CAPZA1: variants seen among roughly 807,000 people sequenced by gnomAD.
The protein encoded by CAPZA1 is F-actin-capping protein subunit alpha-1.
Under a neutral mutation model 40.8 loss-of-function variants are expected in CAPZA1, and 10 were observed. The ratio of observed to expected loss-of-function variants is 0.25; its 90% CI spans 0.15 to 0.42. The LOEUF (loss-of-function observed/expected upper bound fraction) is 0.42. CAPZA1 is among the 10% of genes least tolerant of loss of function. The pLI, the probability that CAPZA1 is intolerant of heterozygous loss-of-function variation, is 1.00. For missense variants in CAPZA1, 277 were observed against 353.8 expected, an observed-to-expected ratio of 0.78 and a Z score of 1.74; for synonymous variants, 98 against 115.0, an observed-to-expected ratio of 0.85 and a Z score of 0.95.
intron 1 of CAPZA1, among the ~76,000 whole-genome samples, chr1:112,637,463 G>A (rs765481979): frequency 2.0e-5 from 3 of 152,218 alleles, no homozygotes; most frequent in Non-Finnish European, 2.9e-5. Context: ...TTTGTTGTTT[G>A]TTGAGACAGG....
intron 2 of CAPZA1, among the ~76,000 whole-genome samples, chr1:112,647,633 C>T (rs116602397): frequency 0.011 from 1,725 of 152,288 alleles, 17 homozygotes; most frequent in Non-Finnish European, 0.018. Flanking sequence ...CTTAGGAAGT[C>T]ACATGATATG....
At chr1:112,641,257 A>T (rs12042407) in intron 1 of CAPZA1, among the ~76,000 whole-genome samples, 52,777 of 151,514 alleles carry the variant, frequency 0.35, 10,953 homozygotes, top group South Asian at 0.62. Flanking sequence ...GAAAAAAAAA[A>T]TTTTAATTTG....
In CAPZA1 at chr1:112,654,505, T is replaced by G. The variant is rs1671459700; in HGVS notation, c.260T>G (p.Phe87Cys). 1 of 1,613,824 alleles carries G rather than the reference T, an allele frequency of 6.2e-7. No homozygotes were observed. The highest frequency in any genetic ancestry group is 1.1e-5 in the South Asian group (1 of 91,084). ...CACGGTGACCTGGGTAATAGCAGAT[T>G]TTTAGATCCAAGAAACAAAATTTCC... ...TEHGDLGNSR[F>C]LDPRNKISFK... The change falls in exon 5 of 10, where the codon TTT (phenylalanine) becomes TGT (cysteine). Residue 87 changes from phenylalanine to cysteine, a missense_variant. Around this residue, in one of 2 missense-constraint regions of CAPZA1, gnomAD observed 192 missense variants for 277.2 expected, o/e 0.69. Transcript: ENST00000263168.
At chr1:112,641,492 TGTC>T in intron 1 of CAPZA1, among the ~76,000 whole-genome samples, 1 of 152,254 alleles carries the variant, frequency 6.6e-6, no homozygotes, top group Non-Finnish European at 1.5e-5. Context: ...TATAAACCCA[TGTC>T]AACAAATGGA....
At chr1:112,644,454 G>A (rs989726709) in intron 1 of CAPZA1, among the ~76,000 whole-genome samples, 2 of 152,060 alleles carry the variant, frequency 1.3e-5, no homozygotes, top group Non-Finnish European at 2.9e-5. Context: ...GCCTCCCAAA[G>A]TGCTGGGATT....
At chr1:112,652,471 C>T (rs1355748807) in intron 3 of CAPZA1, among the ~76,000 whole-genome samples, 1 of 141,622 alleles carries the variant, frequency 7.1e-6, no homozygotes, top group African/African-American at 2.6e-5. Context: ...AAGAGCTAAA[C>T]TCCATCTCAA....
chr1:112,628,325 T>C (rs1670855425), intron 1 of CAPZA1, among the ~76,000 whole-genome samples: 1 of 152,230 alleles, frequency 6.6e-6, no homozygotes, highest in Non-Finnish European at 1.5e-5. Flanking sequence ...CTTAGTCCTC[T>C]GCTTATTTAG....
At chr1:112,633,785 G>A (rs772766320) in intron 1 of CAPZA1, among the ~76,000 whole-genome samples, 9 of 152,056 alleles carry the variant, frequency 5.9e-5, no homozygotes, top group Non-Finnish European at 1.2e-4. Context: ...TAGCCATTCT[G>A]ACAGGCATGA....
chr1:112,670,140 A>G lies in CAPZA1; in HGVS notation c.*8A>G. Reference sequence around the variant, plus strand: ...GAAATGCAGAATGCTTAAAGGCTGAATGTAGGATTCTTCAGTATGTGGAAA... The same window carrying G: ...GAAATGCAGAATGCTTAAAGGCTGAGTGTAGGATTCTTCAGTATGTGGAAA... On this transcript the variant is annotated 3_prime_UTR_variant, in exon 10 of 10. Transcript: ENST00000263168. 1.2e-6 allele frequency: 2 copies of G among 1,613,756 alleles called. No individual in the cohort carries two copies. Among genetic ancestry groups the G allele is most frequent in the East Asian group, 2.2e-5 (1 of 44,880 alleles).
At chr1:112,662,937 T>C (rs1329047155) in intron 7 of CAPZA1, among the ~76,000 whole-genome samples, 1 of 152,000 alleles carries the variant, frequency 6.6e-6, no homozygotes, top group Non-Finnish European at 1.5e-5. Context: ...TCCCATCCTG[T>C]TTGTAATAAT....
chr1:112,654,437 A>C, intron 4 of CAPZA1, 28 bp from the exon 5 acceptor site: 5 of 1,452,454 alleles, frequency 3.4e-6, no homozygotes, highest in Non-Finnish European at 3.8e-6. Flanking sequence ...TTTTACAGTT[A>C]CTCATATGTT....
intron 1 of CAPZA1, among the ~76,000 whole-genome samples, chr1:112,640,288 G>T (rs1238491145): frequency 7.7e-6 from 1 of 130,006 alleles, no homozygotes; most frequent in East Asian, 2.5e-4. Context: ...CCTCTGCCCG[G>T]CCAGCCGCCC....
At chr1:112,639,909 G>A (rs1671104058) in intron 1 of CAPZA1, among the ~76,000 whole-genome samples, 1 of 138,172 alleles carries the variant, frequency 7.2e-6, no homozygotes, top group African/African-American at 2.6e-5. Flanking sequence ...GTCCGGGAGG[G>A]AGGTGGGGGG....
At chr1:112,624,604 TCAAAAAAAAAAA>T (rs1390396536) in intron 1 of CAPZA1, among the ~76,000 whole-genome samples, 1 of 8,460 alleles carries the variant, frequency 1.2e-4, no homozygotes, top group Non-Finnish European at 2.2e-4. Flanking sequence ...CAAAACTCCA[TCAAAAAAAAAAA>T]AAAAAAAAAA....
Position 112,638,596 on chromosome 1 carries a change from T to C in CAPZA1, c.40-8614T>C, listed in dbSNP as rs536402165. Among the ~76,000 whole-genome samples, 3 of 151,206 alleles carry C rather than the reference T, an allele frequency of 2.0e-5. No homozygotes were observed. The East Asian group carries it at 6.0e-4, about 30-fold the overall frequency. On this transcript the variant is annotated intron_variant, in intron 1 of 9. Coordinates refer to ENST00000263168, the MANE Select transcript of CAPZA1 (RefSeq NM_006135.3). ...TTCCAAAATGCTGGGATTACAGGCGTGAGCCACCACACCCAGCCCAGACTT... is the reference window on the plus strand; with the variant it reads ...TTCCAAAATGCTGGGATTACAGGCGCGAGCCACCACACCCAGCCCAGACTT...
intron 1 of CAPZA1, among the ~76,000 whole-genome samples, chr1:112,643,205 T>C (rs1046549604): frequency 4.6e-5 from 7 of 152,160 alleles, no homozygotes; most frequent in Admixed American, 4.6e-4. Flanking sequence ...CCAAGGAAAA[T>C]ATAGATAGAA....
intron 1 of CAPZA1, among the ~76,000 whole-genome samples, chr1:112,644,184 C>CATTTT (rs1671235956): frequency 1.8e-5 from 1 of 56,782 alleles, no homozygotes; most frequent in African/African-American, 7.9e-5. Context: ...CTTCTCCCAG[C>CATTTT]TTTTTTTTTT....
At chr1:112,650,504 G>T (rs889755258) in intron 3 of CAPZA1, among the ~76,000 whole-genome samples, 1 of 152,148 alleles carries the variant, frequency 6.6e-6, no homozygotes, top group Non-Finnish European at 1.5e-5. Context: ...CATAGAAAAG[G>T]ACATTCATGA....
At chr1:112,653,897 T>G (rs1311424784) in intron 4 of CAPZA1, among the ~76,000 whole-genome samples, 1 of 152,218 alleles carries the variant, frequency 6.6e-6, no homozygotes. Flanking sequence ...ATTTAAGTTT[T>G]ACAGGTTTTC....
Sources: gnomAD v4.1 joint callset for allele counts (sites outside exome capture counted in the v4.1 genomes callset) on GRCh38, gnomAD v4.1.1 for gene constraint, gnomAD v4.1.1 regional missense constraint, MANE v1.5 for transcripts, NCBI Gene and HGNC (gene_info 2026-07-23, HGNC 2026-07-21) for gene names.